The following CCDC141 variants were observed in gnomAD, a reference collection of about 807,000 sequenced individuals.
CCDC141 encodes the protein coiled-coil domain containing 141.
CCDC141 carries 168 observed loss-of-function variants against 181.0 expected under a neutral mutation model. The observed-to-expected ratio is 0.93, with a 90% CI of 0.82 to 1.05. The LOEUF (loss-of-function observed/expected upper bound fraction) is 1.05. CCDC141 is among the 50% of genes least tolerant of loss of function. The pLI is 0.00. For synonymous variants in CCDC141, 666 were observed against 642.3 expected (o/e 1.04, Z -0.56); for missense variants, 1,902 against 1,788.5 (o/e 1.06, Z -1.14).
At chr2:178,835,192 A>G (rs112241231) in intron 23 of CCDC141, among the ~76,000 whole-genome samples, 3 of 152,234 alleles carry the variant, frequency 2.0e-5, no homozygotes, top group African/African-American at 4.8e-5. Context: ...ACCCCATCAT[A>G]TTCATACCAC....
chr2:179,019,154 A>G (rs2042626645), intron 2 of CCDC141, among the ~76,000 whole-genome samples: 1 of 152,072 alleles, frequency 6.6e-6, no homozygotes, highest in Non-Finnish European at 1.5e-5. Flanking sequence ...AGCCAATATT[A>G]TATTAGGAGA....
At chr2:178,961,007 G>A (rs976732920) in intron 5 of CCDC141, among the ~76,000 whole-genome samples, 2 of 152,132 alleles carry the variant, frequency 1.3e-5, no homozygotes, top group South Asian at 2.1e-4. Flanking sequence ...ACCCACAGGT[G>A]TTCTCTCATT....
At chr2:178,855,071 G>T (rs1000018461) in intron 19 of CCDC141, among the ~76,000 whole-genome samples, 1 of 152,148 alleles carries the variant, frequency 6.6e-6, no homozygotes, top group Non-Finnish European at 1.5e-5. Context: ...ATCTGATGAG[G>T]TTATGGAGAA....
At chr2:179,047,233 GTTT>G in intron 2 of CCDC141, 48 bp downstream of exon 2, 1 of 1,463,232 alleles carries the variant, frequency 6.8e-7, no homozygotes, top group South Asian at 1.5e-5. Context: ...ATAAGAAATA[GTTT>G]TTTATGTCTC....
chr2:178,992,040 T>C (rs1394749898), intron 2 of CCDC141, among the ~76,000 whole-genome samples: 2 of 152,078 alleles, frequency 1.3e-5, no homozygotes, highest in East Asian at 3.9e-4. Flanking sequence ...GAATAATTTC[T>C]CAAGTATGTA....
chr2:178,981,657 T>TATATAC (rs1553495348), intron 2 of CCDC141, among the ~76,000 whole-genome samples: 11 of 132,048 alleles, frequency 8.3e-5, no homozygotes, highest in African/African-American at 2.6e-4. Context: ...TATATATATA[T>TATATAC]ACATACATAT....
chr2:178,965,841 G>A (rs1049511847), intron 4 of CCDC141, among the ~76,000 whole-genome samples: 1 of 152,156 alleles, frequency 6.6e-6, no homozygotes, highest in Admixed American at 6.5e-5. Context: ...CCCACCCCCA[G>A]AGAGCCCAGC....
chr2:178,987,216 G>A (rs1691794903), intron 2 of CCDC141, among the ~76,000 whole-genome samples: 1 of 149,064 alleles, frequency 6.7e-6, no homozygotes, highest in African/African-American at 2.5e-5. Context: ...AAGCAATGGG[G>A]AAAGGATTCC....
At chr2:178,916,500 T>C (rs966042263) in intron 7 of CCDC141, among the ~76,000 whole-genome samples, 6 of 151,802 alleles carry the variant, frequency 4.0e-5, no homozygotes, top group African/African-American at 1.4e-4. Context: ...TTTCATCATT[T>C]ATTTTACTTA....
In CCDC141 at chr2:178,886,784, T is replaced by C; in HGVS notation, c.1495A>G (p.Asn499Asp). 1 of 1,469,146 alleles carries C rather than the reference T, an allele frequency of 6.8e-7. No homozygotes were observed. The highest frequency in any genetic ancestry group is 9.1e-7 in the Non-Finnish European group (1 of 1,098,956). 91.0% of individuals were successfully genotyped at this position (1,469,146 alleles called of 1,614,324 possible). The change falls in exon 10 of 24, where the codon AAT becomes GAT. Residue 499 changes from asparagine to aspartate, a missense_variant. Asn to Asp is a conservative substitution (Grantham distance 23, BLOSUM62 1). Coordinates refer to ENST00000443758, the MANE Select transcript of CCDC141 (RefSeq NM_173648.4). The part of the protein sequence containing the change: ...STRSESEKIL[N>D]KYLELDIQAK... ...TGGATATCTAGTTCCAGATATTTAT[T>C]CAAAATCTTCTCTGATTCAGAACGG... is the stretch of plus-strand genomic sequence containing the variant.
intron 2 of CCDC141, among the ~76,000 whole-genome samples, chr2:178,990,084 A>G (rs1691973710): frequency 6.6e-6 from 1 of 150,418 alleles, no homozygotes; most frequent in Non-Finnish European, 1.5e-5. Flanking sequence ...GGTTATAGTG[A>G]GCTGAGATTG....
intron 7 of CCDC141, among the ~76,000 whole-genome samples, chr2:178,914,821 A>T (rs1044408033): frequency 7.9e-5 from 12 of 152,288 alleles, no homozygotes; most frequent in African/African-American, 2.6e-4. Context: ...AATAAAATAA[A>T]TTATTGTAAA....
chr2:178,819,555 T>G, the CCDC141 span, among the ~76,000 whole-genome samples: 1 of 152,228 alleles, frequency 6.6e-6, no homozygotes, highest in Admixed American at 6.5e-5. Flanking sequence ...TGACCAAGCT[T>G]ATGCTATCTT....
chr2:178,979,669 G>T (rs1037827318), intron 2 of CCDC141, among the ~76,000 whole-genome samples: 1 of 152,136 alleles, frequency 6.6e-6, no homozygotes, highest in African/African-American at 2.4e-5. Context: ...GAGAAAGCAG[G>T]ACTATAATAC....
At chr2:178,871,603 C>T (rs767219545) in intron 13 of CCDC141, 51 bp from the exon 14 acceptor site, 2 of 1,597,022 alleles carry the variant, frequency 1.3e-6, no homozygotes, top group East Asian at 4.5e-5. Context: ...ACATCTCCAG[C>T]AAATTTGATC....
rs1684322622 is a variant in CCDC141, at chr2:178,833,051, T to C, written c.*1122A>G. On this transcript the variant is annotated 3_prime_UTR_variant, in exon 24 of 24. Transcript: ENST00000443758. ...CCTCCTGAGTTTAATTTCAAGTCTT[T>C]GAAAAGAATGCAGTCTTCAGAAATT... The C allele has an allele frequency of 6.6e-6, 1 of 152,102 alleles. No individual in the cohort carries two copies. The highest frequency in any genetic ancestry group is 6.5e-5 in the Admixed American group (1 of 15,270). 9.4% of individuals were successfully genotyped at this position (152,102 alleles called of 1,614,324 possible). A position where few individuals can be genotyped will look rare whatever the true frequency, so the allele number is the denominator to read the frequency against.
At chr2:178,858,248 C>T (rs367966353) in intron 17 of CCDC141, among the ~76,000 whole-genome samples, 1 of 152,064 alleles carries the variant, frequency 6.6e-6, no homozygotes, top group East Asian at 1.9e-4. Context: ...AGATCATATT[C>T]AGTTGATATA....
chr2:178,970,257 A>G (rs1690824514), intron 4 of CCDC141, among the ~76,000 whole-genome samples: 2 of 152,246 alleles, frequency 1.3e-5, no homozygotes, highest in African/African-American at 4.8e-5. Context: ...TCTTCACAGA[A>G]TTGGAAAAAC....
chr2:178,827,346 G>A (rs762242834), downstream of CCDC141, among the ~76,000 whole-genome samples: 1 of 152,176 alleles, frequency 6.6e-6, no homozygotes, highest in Non-Finnish European at 1.5e-5. Context: ...AATATTCTAT[G>A]TGTCAATTAG....
Sources: allele counts gnomAD v4.1 joint callset (sites outside exome capture counted in the v4.1 genomes callset), GRCh38; gene constraint gnomAD v4.1.1; transcripts MANE v1.5; gene names NCBI Gene and HGNC (gene_info 2026-07-23, HGNC 2026-07-21).